The following DEPDC5 variants were observed in gnomAD, a reference collection of about 807,000 sequenced individuals.
DEPDC5 encodes the protein GATOR1 complex protein DEPDC5.
A neutral mutation model predicts 217.3 loss-of-function variants in DEPDC5; 73 were observed. The observed-to-expected ratio is 0.34, with a 90% confidence interval of 0.28 to 0.41. The LOEUF is 0.41. DEPDC5 is among the 10% of genes least tolerant of loss of function. The pLI is 1.00. For missense variants in DEPDC5, 1,675 were observed against 2,070.1 expected (o/e 0.81, Z 3.70); for synonymous variants, 733 against 756.7 (o/e 0.97, Z 0.51).
intron 10 of DEPDC5, among the ~76,000 whole-genome samples, chr22:31,788,086 A>G (rs2085202834): frequency 6.6e-6 from 1 of 151,482 alleles, no homozygotes; most frequent in African/African-American, 2.4e-5. Context: ...TAAAAATTAA[A>G]AAATAATTAA....
chr22:31,813,452 C>T (rs1380429734), intron 20 of DEPDC5, among the ~76,000 whole-genome samples: 1 of 152,104 alleles, frequency 6.6e-6, no homozygotes, highest in Non-Finnish European at 1.5e-5. Flanking sequence ...AAAGAACAAA[C>T]ATGTAGTCAG....
Position 31,797,565 on chromosome 22 carries a change from G to T in DEPDC5, c.768-35G>T, listed in dbSNP as rs760441577. The T allele has an allele frequency of 3.9e-6, 6 of 1,557,974 alleles. No homozygotes were observed. In the South Asian group the frequency reaches 6.7e-5, roughly 17 times the overall value. ...GACACAGAGCCAAACCATATCAGCT[G>T]CTCAATATCCATTTTATGATAATAC... On this transcript the variant is annotated intron_variant, in intron 12 of 42. Transcript: ENST00000651528.
intron 32 of DEPDC5, chr22:31,859,173 CT>C (rs2092423277): frequency 7.5e-6 from 1 of 132,574 alleles, no homozygotes; most frequent in African/African-American, 2.9e-5. Context: ...TCACTGCAAG[CT>C]TTGCCTCCTG....
intron 10 of DEPDC5, among the ~76,000 whole-genome samples, chr22:31,785,300 G>A (rs1427924158): frequency 1.3e-5 from 2 of 152,138 alleles, no homozygotes; most frequent in Non-Finnish European, 2.9e-5. Context: ...TAGAGCTAAT[G>A]CATTCAGCAA....
chr22:31,830,701 A>G (rs1009159975), intron 24 of DEPDC5, among the ~76,000 whole-genome samples: 2 of 150,866 alleles, frequency 1.3e-5, no homozygotes, highest in African/African-American at 4.9e-5. Context: ...GATGGCACAG[A>G]TCTACTTTTG....
intron 22 of DEPDC5, among the ~76,000 whole-genome samples, chr22:31,820,813 A>C (rs1184990336): frequency 1.3e-5 from 2 of 152,216 alleles, no homozygotes; most frequent in Non-Finnish European, 2.9e-5. Context: ...GCCTTTCAGT[A>C]GCCAAGGCCC....
At chr22:31,847,364 A>C (rs2091798628) in intron 31 of DEPDC5, among the ~76,000 whole-genome samples, 1 of 152,064 alleles carries the variant, frequency 6.6e-6, no homozygotes, top group Non-Finnish European at 1.5e-5. Flanking sequence ...CTGGGGAAAA[A>C]AAAAAAAAAG....
intron 23 of DEPDC5, 44 bp from the exon 24 acceptor site, chr22:31,822,649 G>C (rs774299846): frequency 8.2e-6 from 13 of 1,593,568 alleles, no homozygotes; most frequent in Non-Finnish European, 1.1e-5. Flanking sequence ...AAAAAGAGGT[G>C]ATGATCTACA....
chr22:31,771,349 G>A (rs962787651), intron 7 of DEPDC5, among the ~76,000 whole-genome samples: 4 of 152,120 alleles, frequency 2.6e-5, no homozygotes, highest in Admixed American at 6.6e-5. Flanking sequence ...AGGTAAAATG[G>A]CTATGGCGTG....
chr22:31,776,572 CTTT>C (rs34058587), intron 7 of DEPDC5, among the ~76,000 whole-genome samples: 1 of 104,170 alleles, frequency 9.6e-6, no homozygotes, highest in Non-Finnish European at 1.8e-5. Context: ...GTACTATTCA[CTTT>C]TTTTTTTTTT....
intron 26 of DEPDC5, chr22:31,837,368 TGAGA>T (rs1986480690): frequency 1.7e-6 from 1 of 596,916 alleles, no homozygotes; most frequent in Non-Finnish European, 2.8e-6. Flanking sequence ...TTTTTTTAAC[TGAGA>T]GAGGGTCTCA....
chr22:31,815,557 T>C (rs1832179784), intron 21 of DEPDC5: 1 of 572,092 alleles, frequency 1.7e-6, no homozygotes, highest in South Asian at 2.2e-5. Context: ...GATTATCATA[T>C]TTTTTTTTGT....
chr22:31,851,745 A>T (rs2092039040), intron 31 of DEPDC5, among the ~76,000 whole-genome samples: 1 of 152,198 alleles, frequency 6.6e-6, no homozygotes, highest in Non-Finnish European at 1.5e-5. Flanking sequence ...GCCCGCAGGA[A>T]CCTGCACACA....
intron 31 of DEPDC5, among the ~76,000 whole-genome samples, chr22:31,848,350 G>A (rs1334036878): frequency 6.6e-6 from 1 of 152,190 alleles, no homozygotes; most frequent in African/African-American, 2.4e-5. Context: ...CCCTAGCAGA[G>A]GTTCTCCATG....
chr22:31,763,403 G>A (rs1332354700), intron 4 of DEPDC5, among the ~76,000 whole-genome samples: 2 of 150,660 alleles, frequency 1.3e-5, no homozygotes, highest in African/African-American at 4.9e-5. Context: ...GGGATTACAG[G>A]CGTGAGCCAC....
intron 24 of DEPDC5, among the ~76,000 whole-genome samples, chr22:31,827,236 A>G (rs981270658): frequency 6.6e-6 from 1 of 152,198 alleles, no homozygotes; most frequent in African/African-American, 2.4e-5. Flanking sequence ...GAGGTGATCT[A>G]TAGCCACATG....
At position 31,819,115 on chromosome 22, in the gene DEPDC5, G is replaced by A. The variant is rs754007438; in HGVS notation, c.1760G>A (p.Arg587Gln). Residue 587 changes from arginine (R) to glutamine (Q), a missense_variant, in exon 22 of 43, where the codon CGA becomes CAA. By Grantham distance (43) the Arg-to-Gln change is conservative (BLOSUM62 1). This residue lies in a region of DEPDC5 where 628 missense variants were observed against 762.1 expected (regional missense o/e 0.82). Coordinates refer to ENST00000651528, the MANE Select transcript of DEPDC5 (RefSeq NM_001242896.3). ...VGSAESMLHVRPGGYTPQRAL... is the reference protein window; with the variant it reads ...VGSAESMLHVQPGGYTPQRAL... ...AGTGCAGAATCCATGCTGCATGTTC[G>A]ACCTGGTGGATACACGCCCCAGAGA... The A allele has an allele frequency of 1.1e-5, 17 of 1,614,026 alleles. No homozygotes were observed. The highest frequency in any genetic ancestry group is 4.0e-5 in the African/African-American group (3 of 74,910).
intron 31 of DEPDC5, among the ~76,000 whole-genome samples, chr22:31,850,960 CG>C (rs2091991459): frequency 6.6e-6 from 1 of 150,630 alleles, no homozygotes; most frequent in Non-Finnish European, 1.5e-5. Context: ...CCCAGCTACG[CG>C]GGAGGCTGAG....
At chr22:31,900,096 G>A (rs1291042752) in intron 40 of DEPDC5, among the ~76,000 whole-genome samples, 1 of 152,054 alleles carries the variant, frequency 6.6e-6, no homozygotes, top group African/African-American at 2.4e-5. Flanking sequence ...GCCCAGGCTG[G>A]AGTGCAGTGG....
Sources: gnomAD v4.1 joint callset for allele counts (sites outside exome capture counted in the v4.1 genomes callset) on GRCh38, gnomAD v4.1.1 for gene constraint, gnomAD v4.1.1 regional missense constraint, MANE v1.5 for transcripts, NCBI Gene and HGNC (gene_info 2026-07-23, HGNC 2026-07-21) for gene names.